The following MKRN3 variants were observed in gnomAD, a reference collection of about 807,000 sequenced individuals.
MKRN3 encodes makorin ring finger protein 3, also known as E3 ubiquitin-protein ligase makorin-3.
For synonymous variants in MKRN3, 301 were observed against 250.2 expected (o/e 1.20, Z -1.91); for missense variants, 749 against 667.0 (o/e 1.12, Z -1.35).
Position 23,566,467 on chromosome 15 carries a change from G to T in MKRN3, c.685G>T (p.Glu229Ter). 6.2e-7 allele frequency: 1 copy of T among 1,614,120 alleles called. No individual in the cohort carries two copies. The highest frequency in any genetic ancestry group is 8.5e-7 in the Non-Finnish European group (1 of 1,180,002). ...CCCCGAGGCTCCTCTACAGAGCTCA[G>T]AGACTGAGAGGAAGCAGATGGCTGT... ...SAPEAPLQSS[E>*]TERKQMAVGS... Residue 229 changes from glutamate to a stop codon, truncating the protein, a stop_gained, in exon 1 of 1, where the codon GAG (glutamate) becomes TAG (stop). Coordinates refer to ENST00000314520, the MANE Select transcript of MKRN3 (RefSeq NM_005664.4). LOFTEE classifies it low-confidence loss of function (END_TRUNC).
Position 23,567,535 on chromosome 15 carries a change from C to A in MKRN3, c.*229C>A. ...AATTAATATTAATGTCAGCTTATGG[C>A]TTTTTTTTGTCATCTCTGTTGTCAA... is the stretch of plus-strand genomic sequence containing the variant. On this transcript the variant is annotated 3_prime_UTR_variant, in exon 1 of 1. Coordinates refer to ENST00000314520, the MANE Select transcript of MKRN3 (RefSeq NM_005664.4). 1 of 1,372,022 alleles carries A rather than the reference C, an allele frequency of 7.3e-7. No homozygotes were observed. The highest frequency in any genetic ancestry group is 1.8e-5 in the South Asian group (1 of 55,020). The allele number at this position is 1,372,022 out of a possible 1,614,324, so 85.0% of individuals were successfully genotyped here. A position where few individuals can be genotyped will look rare whatever the true frequency, so the allele number is the denominator to read the frequency against.
rs373810136 is a variant in MKRN3 at position 23,566,662 on chromosome 15, G to A, written c.880G>A (p.Glu294Lys). 8.7e-6 allele frequency: 14 copies of A among 1,614,226 alleles called. No homozygotes were observed. Among genetic ancestry groups the A allele is most frequent in the East Asian group, 4.5e-5 (2 of 44,882 alleles). ...EHMRACIEAH[E>K]KDMELSFAVQ... ...TATGAGGGCCTGCATTGAAGCACAC[G>A]AGAAAGATATGGAACTCTCGTTTGC... The change falls in exon 1 of 1, where the codon GAG becomes AAG. Residue 294 changes from glutamate (E) to lysine (K), a missense_variant. Transcript: ENST00000314520.
chr15:23,567,350 TCTG>T lies in MKRN3; in HGVS notation c.*47_*49del. 6.3e-7 allele frequency: 1 copy of T among 1,594,038 alleles called. No homozygotes were observed. Among genetic ancestry groups the T allele is most frequent in the Non-Finnish European group, 8.6e-7 (1 of 1,169,242 alleles). ...GGTCTAGTCTGCTGAGGTTCTGTCG[TCTG>T]CTATTGCCTGTTTTCCCTGTGTTGA... On this transcript the variant is annotated 3_prime_UTR_variant, in exon 1 of 1. Transcript: ENST00000314520.
At position 23,566,386 on chromosome 15, in the gene MKRN3, G is replaced by C. The variant is rs1371193876; in HGVS notation, c.604G>C (p.Asp202His). 1 of 1,614,002 alleles carries C rather than the reference G, an allele frequency of 6.2e-7. No individual in the cohort carries two copies. The highest frequency in any genetic ancestry group is 1.3e-5 in the African/African-American group (1 of 74,904). ...AGGAGCAGGTGTAGAAAGCTGGGCGGATGCCATTGAGTTTGTTCCAGGGCA... is the reference window on the plus strand; with the variant it reads ...AGGAGCAGGTGTAGAAAGCTGGGCGCATGCCATTGAGTTTGTTCCAGGGCA... Reference protein sequence around the residue: ...AGGAGVESWADAIEFVPGQPY... With the variant: ...AGGAGVESWAHAIEFVPGQPY... Residue 202 changes from aspartate (D) to histidine (H), a missense_variant, in exon 1 of 1, where the codon GAT becomes CAT. Asp to His is a moderately conservative substitution (Grantham distance 81). Coordinates refer to ENST00000314520, the MANE Select transcript of MKRN3 (RefSeq NM_005664.4).
rs1217159573 is a variant in MKRN3, at chr15:23,565,771, G to A, written c.-12G>A. 6 of 1,573,746 alleles carry A rather than the reference G, an allele frequency of 3.8e-6. No individual in the cohort carries two copies. The highest frequency in any genetic ancestry group is 5.2e-6 in the Non-Finnish European group (6 of 1,156,224). On this transcript the variant is annotated 5_prime_UTR_variant, in exon 1 of 1. Coordinates refer to ENST00000314520, the MANE Select transcript of MKRN3 (RefSeq NM_005664.4). ...AGAGGTTCTGGCACCATTTCGGGGT[G>A]CCAAAGCAGCCATGGAAGAGCCTGC...
chr15:23,566,008 C>T lies in MKRN3; in HGVS notation c.226C>T (p.Pro76Ser). 5.6e-6 allele frequency: 9 copies of T among 1,613,920 alleles called. No homozygotes were observed. The highest frequency in any genetic ancestry group is 5.9e-6 in the Non-Finnish European group (7 of 1,179,998). ...CCGCAGAGGAGGCCTGAGGCCTGCC[C>T]CAGCCTCAGGAGGAGGAGCCTGGCC... The part of the protein sequence containing the change: ...HLRRGGLRPA[P>S]ASGGGAWPSP... The change falls in exon 1 of 1, where the codon CCA (proline) becomes TCA (serine). Residue 76 changes from proline (P) to serine (S), a missense_variant. Physicochemically the swap from Pro to Ser is moderately conservative, Grantham distance 74 (BLOSUM62 -1). Transcript: ENST00000314520.
rs777034398 is a variant in MKRN3, at chr15:23,566,222, C to A, written c.440C>A (p.Ala147Glu). Residue 147 changes from alanine to glutamate, a missense_variant, in exon 1 of 1, where the codon GCG becomes GAG. Coordinates refer to ENST00000314520, the MANE Select transcript of MKRN3 (RefSeq NM_005664.4). ...ASAGGGPSTAAHIEPPTQEVA... is the reference protein window; with the variant it reads ...ASAGGGPSTAEHIEPPTQEVA... ...GCAGGTGGAGGCCCTAGCACGGCTG[C>A]GCACATCGAGCCCCCGACTCAGGAA... 6.2e-7 allele frequency: 1 copy of A among 1,613,574 alleles called. No individual in the cohort carries two copies. Among genetic ancestry groups the A allele is most frequent in the East Asian group, 2.2e-5 (1 of 44,878 alleles).
In MKRN3 at chr15:23,566,169, G is replaced by A. The variant is rs886965228; in HGVS notation, c.387G>A (p.Glu129=). Residue 129 remains glutamate (E), a synonymous_variant, in exon 1 of 1, where the codon GAG becomes GAA. Coordinates refer to ENST00000314520, the MANE Select transcript of MKRN3 (RefSeq NM_005664.4). The part of the protein sequence containing the change: ...HDLSGRKMAT[E]GGVSPPGASA... ...TTTCTGGTCGGAAGATGGCCACTGAGGGTGGCGTTTCGCCGCCTGGGGCCT... is the reference window on the plus strand; with the variant it reads ...TTTCTGGTCGGAAGATGGCCACTGAAGGTGGCGTTTCGCCGCCTGGGGCCT... The A allele has an allele frequency of 6.2e-7, 1 of 1,614,008 alleles. No homozygotes were observed. The highest frequency in any genetic ancestry group is 1.1e-5 in the South Asian group (1 of 91,084).
At position 23,566,527 on chromosome 15, in the gene MKRN3, A is replaced by C; in HGVS notation, c.745A>C (p.Arg249=). Residue 249 remains arginine, a synonymous_variant, in exon 1 of 1, where the codon AGG becomes CGG. Coordinates refer to ENST00000314520, the MANE Select transcript of MKRN3 (RefSeq NM_005664.4). ...SGLRFCYYAS[R]GVCFRGESCM... ...GTTGCGGTTTTGCTATTATGCTTCC[A>C]GGGGAGTTTGCTTTCGTGGGGAGAG... 1 of 1,614,194 alleles carries C rather than the reference A, an allele frequency of 6.2e-7. No homozygotes were observed. The highest frequency in any genetic ancestry group is 8.5e-7 in the Non-Finnish European group (1 of 1,180,040).
chr15:23,566,746 G>T lies in MKRN3; in HGVS notation c.964G>T (p.Ala322Ser). ...GICMEVVYEK[A>S]NPNDRRFGIL... ...CTGCATGGAGGTTGTCTATGAGAAG[G>T]CCAACCCCAATGACCGCCGCTTTGG... The change falls in exon 1 of 1, where the codon GCC (alanine) becomes TCC (serine). Residue 322 changes from alanine to serine, a missense_variant. Ala to Ser is a moderately conservative substitution (Grantham distance 99, BLOSUM62 1). Transcript: ENST00000314520. The T allele has an allele frequency of 1.2e-6, 2 of 1,614,190 alleles. No homozygotes were observed. Among genetic ancestry groups the T allele is most frequent in the Non-Finnish European group, 1.7e-6 (2 of 1,180,048 alleles).
Position 23,567,830 on chromosome 15 carries a change from G to A in MKRN3, c.*524G>A, listed in dbSNP as rs1273368552. Reference sequence around the variant, plus strand: ...GTGTTTTACTTGACCAAAACCAAGTGTATATGTTTACATGTTTTTATCCTG... The same window carrying A: ...GTGTTTTACTTGACCAAAACCAAGTATATATGTTTACATGTTTTTATCCTG... On this transcript the variant is annotated 3_prime_UTR_variant, in exon 1 of 1. Transcript: ENST00000314520. 1 of 995,102 alleles carries A rather than the reference G, an allele frequency of 1.0e-6. No individual in the cohort carries two copies. The highest frequency in any genetic ancestry group is 1.8e-5 in the African/African-American group (1 of 56,930). The allele number at this position is 995,102 out of a possible 1,614,324, so 61.6% of individuals were successfully genotyped here.
Position 23,566,495 on chromosome 15 carries a change from G to A in MKRN3, c.713G>A (p.Gly238Asp). The change falls in exon 1 of 1, where the codon GGC (glycine) becomes GAC (aspartate). Residue 238 changes from glycine to aspartate, a missense_variant. Gly to Asp is a moderately conservative substitution (Grantham distance 94). Transcript: ENST00000314520. ...SETERKQMAV[G>D]SGLRFCYYAS... ...ACTGAGAGGAAGCAGATGGCTGTGG[G>A]CAGTGGGTTGCGGTTTTGCTATTAT... The A allele has an allele frequency of 2.5e-6, 4 of 1,614,156 alleles. No individual in the cohort carries two copies. The highest frequency in any genetic ancestry group is 3.4e-6 in the Non-Finnish European group (4 of 1,180,044).
chr15:23,565,706 C>G lies in MKRN3; in HGVS notation c.-77C>G. ...CCCCAGAGAAGCCTCCGAGCGCGGC[C>G]GCCATTCCGGGCCTCAAGCCCATAA... On this transcript the variant is annotated 5_prime_UTR_variant, in exon 1 of 1. Transcript: ENST00000314520. The G allele has an allele frequency of 7.1e-7, 1 of 1,407,918 alleles. No homozygotes were observed. The highest frequency in any genetic ancestry group is 9.4e-7 in the Non-Finnish European group (1 of 1,064,804). 87.2% of individuals were successfully genotyped at this position (1,407,918 alleles called of 1,614,324 possible).
rs773531074 is a variant in MKRN3, at chr15:23,567,417, C to T, written c.*111C>T. On this transcript the variant is annotated 3_prime_UTR_variant, in exon 1 of 1. Coordinates refer to ENST00000314520, the MANE Select transcript of MKRN3 (RefSeq NM_005664.4). Reference sequence around the variant, plus strand: ...TTCAGGGGCTGTTGAGGCAGTGCTTCTGTTTTCTTGTCTATTCTGCATATC... The same window carrying T: ...TTCAGGGGCTGTTGAGGCAGTGCTTTTGTTTTCTTGTCTATTCTGCATATC... 56 of 1,516,588 alleles carry T rather than the reference C, an allele frequency of 3.7e-5. No individual in the cohort carries two copies. The highest frequency in any genetic ancestry group is 4.8e-5 in the Non-Finnish European group (54 of 1,133,666). 93.9% of individuals were successfully genotyped at this position (1,516,588 alleles called of 1,614,324 possible).
chr15:23,566,115 G>T lies in MKRN3; in HGVS notation c.333G>T (p.Glu111Asp), dbSNP rs770695847. The part of the protein sequence containing the change: ...CRYYIHGQCK[E>D]GENCRYSHDL... ...ATTATATACATGGGCAGTGCAAGGA[G>T]GGGGAGAACTGTCGCTATTCGCACG... The change falls in exon 1 of 1, where the codon GAG becomes GAT. Residue 111 changes from glutamate (E) to aspartate (D), a missense_variant. Glu to Asp is a conservative substitution (Grantham distance 45). Coordinates refer to ENST00000314520, the MANE Select transcript of MKRN3 (RefSeq NM_005664.4). 4 of 1,614,074 alleles carry T rather than the reference G, an allele frequency of 2.5e-6. No homozygotes were observed. The highest frequency in any genetic ancestry group is 2.7e-5 in the African/African-American group (2 of 74,948).
Position 23,565,725 on chromosome 15 carries a change from C to T in MKRN3, c.-58C>T. On this transcript the variant is annotated 5_prime_UTR_variant, in exon 1 of 1. Transcript: ENST00000314520. ...CGCGGCCGCCATTCCGGGCCTCAAGCCCATAAAGAAAAAATACCGGAGAGG... is the reference window on the plus strand; with the variant it reads ...CGCGGCCGCCATTCCGGGCCTCAAGTCCATAAAGAAAAAATACCGGAGAGG... 2 of 1,464,150 alleles carry T rather than the reference C, an allele frequency of 1.4e-6. No individual in the cohort carries two copies. Among genetic ancestry groups the T allele is most frequent in the South Asian group, 1.4e-5 (1 of 71,986 alleles). 90.7% of individuals were successfully genotyped at this position (1,464,150 alleles called of 1,614,324 possible).
At position 23,566,304 on chromosome 15, in the gene MKRN3, T is replaced by A. The variant is rs369442499; in HGVS notation, c.522T>A (p.Ala174=). 5 of 1,613,918 alleles carry A rather than the reference T, an allele frequency of 3.1e-6. No homozygotes were observed. In the African/African-American group the frequency reaches 6.7e-5, roughly 22 times the overall value. ...TTTCCTTGCCTGTGATTGGCTCGGC[T>A]GCTGAAAGGGGTTTCTTTGAAGCCG... ...SSLSLPVIGS[A]AERGFFEAER... The change falls in exon 1 of 1, where the codon GCT becomes GCA. Residue 174 remains alanine (A), a synonymous_variant. Coordinates refer to ENST00000314520, the MANE Select transcript of MKRN3 (RefSeq NM_005664.4).
rs773660158 is a variant in MKRN3, at chr15:23,567,065, A to T, written c.1283A>T (p.Asp428Val). 1.2e-6 allele frequency: 2 copies of T among 1,614,206 alleles called. No homozygotes were observed. Among genetic ancestry groups the T allele is most frequent in the Admixed American group, 3.3e-5 (2 of 60,020 alleles). Reference protein sequence around the residue: ...YKHEYPEGWGDEPPGPGGGSF... With the variant: ...YKHEYPEGWGVEPPGPGGGSF... ...CATGAATACCCTGAGGGCTGGGGAG[A>T]TGAGCCTCCTGGGCCAGGTGGTGGG... Residue 428 changes from aspartate (D) to valine (V), a missense_variant, in exon 1 of 1, where the codon GAT becomes GTT. Coordinates refer to ENST00000314520, the MANE Select transcript of MKRN3 (RefSeq NM_005664.4).
Position 23,566,568 on chromosome 15 carries a change from T to C in MKRN3, c.786T>C (p.His262=). The C allele has an allele frequency of 1.2e-6, 2 of 1,614,126 alleles. No homozygotes were observed. The highest frequency in any genetic ancestry group is 2.7e-5 in the African/African-American group (2 of 75,030). ...CFRGESCMYL[H]GDICDMCGLQ... ...GTGGGGAGAGCTGTATGTACCTCCATGGAGACATATGCGACATGTGTGGGC... is the reference window on the plus strand; with the variant it reads ...GTGGGGAGAGCTGTATGTACCTCCACGGAGACATATGCGACATGTGTGGGC... Residue 262 remains histidine, a synonymous_variant, in exon 1 of 1, where the codon CAT becomes CAC. Coordinates refer to ENST00000314520, the MANE Select transcript of MKRN3 (RefSeq NM_005664.4).
Sources: gnomAD v4.1 joint callset for allele counts on GRCh38, gnomAD v4.1.1 for gene constraint, MANE v1.5 for transcripts, NCBI Gene and HGNC (gene_info 2026-07-23, HGNC 2026-07-21) for gene names.